The following LIMD1 variants were observed in gnomAD, a reference collection of about 807,000 sequenced individuals.
LIMD1 encodes the protein LIM domain containing 1.
LIMD1 carries 23 observed loss-of-function variants against 58.4 expected under a neutral mutation model. The ratio of observed to expected loss-of-function variants is 0.39; its 90% CI spans 0.28 to 0.56. The LOEUF is 0.56. Among genes scored for constraint, LIMD1 ranks in the 20% least tolerant of loss-of-function variants. The pLI is 0.57. For synonymous variants in LIMD1, 334 were observed against 345.5 expected, an observed-to-expected ratio of 0.97 and a Z score of 0.37; for missense variants, 838 against 855.5, an observed-to-expected ratio of 0.98 and a Z score of 0.25.
intron 3 of LIMD1, among the ~76,000 whole-genome samples, chr3:45,667,169 C>T (rs1226841149): frequency 6.6e-6 from 1 of 152,228 alleles, no homozygotes; most frequent in African/African-American, 2.4e-5. Context: ...CCAGTCCCTC[C>T]TTCGGAATCC....
chr3:45,624,268 T>A (rs922841336), intron 1 of LIMD1, among the ~76,000 whole-genome samples: 3 of 151,714 alleles, frequency 2.0e-5, no homozygotes, highest in African/African-American at 7.2e-5. Flanking sequence ...TCTTGCATGA[T>A]GTCTGGTGGT....
intron 2 of LIMD1, among the ~76,000 whole-genome samples, chr3:45,645,153 A>G (rs1388790836): frequency 1.3e-5 from 2 of 152,206 alleles, no homozygotes; most frequent in African/African-American, 4.8e-5. Flanking sequence ...AGCTGGCCAG[A>G]GGGCTGCAGG....
chr3:45,625,070 A>G (rs970222650), intron 1 of LIMD1, among the ~76,000 whole-genome samples: 1 of 151,372 alleles, frequency 6.6e-6, no homozygotes, highest in Admixed American at 6.6e-5. Flanking sequence ...GTTTTGCCGT[A>G]TGTTAATGGT....
At chr3:45,673,756 A>G in intron 6 of LIMD1, 1 of 518,306 alleles carries the variant, frequency 1.9e-6, no homozygotes, top group Non-Finnish European at 3.5e-6. Flanking sequence ...TCTACAAAAA[A>G]TTGTTAAAAA....
intron 5 of LIMD1, 132 bp from the exon 6 acceptor site, chr3:45,673,322 A>T (rs1697619181): frequency 1.4e-6 from 1 of 723,038 alleles, no homozygotes; most frequent in African/African-American, 1.7e-5. Context: ...GGTACCAGTC[A>T]TTCTATGAGG....
chr3:45,665,048 C>A (rs779982184), intron 2 of LIMD1, among the ~76,000 whole-genome samples: 24 of 152,152 alleles, frequency 1.6e-4, no homozygotes, highest in Non-Finnish European at 3.2e-4. Context: ...CTTATGGAAG[C>A]AAGAGTTCCA....
At position 45,684,125 on chromosome 3, in the gene LIMD1, A is replaced by G. The variant is rs1575373511; in HGVS notation, c.*7066A>G. 6.6e-6 allele frequency: 1 copy of G among 152,256 alleles called. No homozygotes were observed. The highest frequency in any genetic ancestry group is 1.5e-5 in the Non-Finnish European group (1 of 68,064). The allele number at this position is 152,256 out of a possible 1,614,324, so 9.4% of individuals were successfully genotyped here. ...GGGTTATGGTCAGAGAGATCTGGTT[A>G]GAAGTTCCCAGGTAGGCGACAGCCC... is the stretch of plus-strand genomic sequence containing the variant. On this transcript the variant is annotated 3_prime_UTR_variant, in exon 8 of 8. Transcript: ENST00000273317.
chr3:45,622,194 C>A (rs1701633996), intron 1 of LIMD1, among the ~76,000 whole-genome samples: 1 of 152,298 alleles, frequency 6.6e-6, no homozygotes, highest in African/African-American at 2.4e-5. Flanking sequence ...CACTAGCTGT[C>A]ACTCCCTGCT....
chr3:45,674,247 C>G (rs1443579656), intron 6 of LIMD1, 96 bp from the exon 7 acceptor site: 4 of 854,624 alleles, frequency 4.7e-6, no homozygotes, highest in Admixed American at 2.0e-5. Context: ...CTTGTTACCC[C>G]CAAAACCCTC....
At chr3:45,627,275 C>T (rs1284071911) in intron 1 of LIMD1, among the ~76,000 whole-genome samples, 1 of 152,178 alleles carries the variant, frequency 6.6e-6, no homozygotes, top group Admixed American at 6.5e-5. Flanking sequence ...AGTAGAACCC[C>T]TGGACCTTTT....
chr3:45,600,314 T>A (rs4377517), intron 1 of LIMD1, among the ~76,000 whole-genome samples: 45,056 of 152,042 alleles, frequency 0.3, 8,317 homozygotes, highest in Middle Eastern at 0.44. Flanking sequence ...CTTTGGGCAT[T>A]TGACTTTGTG....
In LIMD1 at chr3:45,595,480, G is replaced by C. The variant is rs1701336208; in HGVS notation, c.601G>C (p.Gly201Arg). ...GDKPGVSPSI[G>R]LSVGSGWPSS... ...CAAACCAGGAGTGTCCCCCAGCATC[G>C]GCCTGAGTGTAGGGAGTGGGTGGCC... The change falls in exon 1 of 8, where the codon GGC becomes CGC. Residue 201 changes from glycine to arginine, a missense_variant. By Grantham distance (125) the Gly-to-Arg change is moderately radical. Coordinates refer to ENST00000273317, the MANE Select transcript of LIMD1 (RefSeq NM_014240.3). The C allele has an allele frequency of 6.2e-7, 1 of 1,613,754 alleles. No individual in the cohort carries two copies. The highest frequency in any genetic ancestry group is 1.1e-5 in the South Asian group (1 of 91,020).
chr3:45,629,412 C>CAAA (rs57306025), intron 1 of LIMD1, among the ~76,000 whole-genome samples: 1,069 of 97,510 alleles, frequency 0.011, 29 homozygotes, highest in African/African-American at 0.037. Context: ...ACTCTTGTCT[C>CAAA]AAAAAAAAAA....
chr3:45,626,301 A>G (rs1360744187), intron 1 of LIMD1, among the ~76,000 whole-genome samples: 1 of 152,236 alleles, frequency 6.6e-6, no homozygotes, highest in Non-Finnish European at 1.5e-5. Flanking sequence ...GAATGTTTAT[A>G]GAAGCTTATT....
At chr3:45,623,876 C>T (rs1244279873) in intron 1 of LIMD1, among the ~76,000 whole-genome samples, 2 of 152,194 alleles carry the variant, frequency 1.3e-5, no homozygotes, top group Non-Finnish European at 2.9e-5. Context: ...TAGTGTTGGG[C>T]ATTCGCACAT....
chr3:45,595,874 A>AC lies in LIMD1; in HGVS notation c.1000dup (p.Gln334ProfsTer65). The stretch of plus-strand genomic sequence containing the variant: ...GGTGTGATGTCCAAACCCAATGTGG[A>AC]CCCCCAACCCTGGTTCCAGGATGGG... On this transcript the variant is annotated frameshift_variant, in exon 1 of 8. Transcript: ENST00000273317. LOFTEE classifies it high-confidence loss of function. 6.2e-7 allele frequency: 1 copy of AC among 1,613,880 alleles called. No homozygotes were observed. The highest frequency in any genetic ancestry group is 8.5e-7 in the Non-Finnish European group (1 of 1,179,944).
intron 1 of LIMD1, among the ~76,000 whole-genome samples, chr3:45,631,610 G>A (rs73830450): frequency 0.013 from 2,054 of 152,286 alleles, 62 homozygotes; most frequent in African/African-American, 0.047. Flanking sequence ...GGAACAGAAA[G>A]TGAGGGACAG....
intron 1 of LIMD1, among the ~76,000 whole-genome samples, chr3:45,602,990 A>T (rs1701431114): frequency 6.6e-6 from 1 of 151,970 alleles, no homozygotes; most frequent in South Asian, 2.1e-4. Context: ...ACAGGCGCGC[A>T]CCACCATGCC....
chr3:45,657,495 A>C (rs1697352023), intron 2 of LIMD1, among the ~76,000 whole-genome samples: 1 of 149,136 alleles, frequency 6.7e-6, no homozygotes. Flanking sequence ...ACTGCACTCC[A>C]GCCTGGGCAA....
Sources: allele counts gnomAD v4.1 joint callset (sites outside exome capture counted in the v4.1 genomes callset), GRCh38; gene constraint gnomAD v4.1.1; transcripts MANE v1.5; gene names NCBI Gene and HGNC (gene_info 2026-07-23, HGNC 2026-07-21).